Variants in ELAC1 observed in about 807,000 individuals in gnomAD.
The protein encoded by ELAC1 is zinc phosphodiesterase ELAC protein 1.
Under a neutral mutation model 25.8 loss-of-function variants are expected in ELAC1, and 19 were observed. The ratio of observed to expected loss-of-function variants is 0.74; its 90% confidence interval spans 0.51 to 1.08. The LOEUF (loss-of-function observed/expected upper bound fraction) is 1.08. ELAC1 is among the 50% of genes least tolerant of loss of function. The probability of loss-of-function intolerance (pLI) is 0.00; values close to 1 mark genes in which losing one functional copy is unlikely to be tolerated. For missense variants in ELAC1, 403 were observed against 434.6 expected (o/e 0.93, Z 0.65); for synonymous variants, 148 against 160.9 (o/e 0.92, Z 0.61).
At chr18:50,981,231 G>A (rs1411621386) in intron 2 of ELAC1, among the ~76,000 whole-genome samples, 2 of 151,996 alleles carry the variant, frequency 1.3e-5, no homozygotes, top group Non-Finnish European at 2.9e-5. Flanking sequence ...AATGCTTATT[G>A]TAAAAATTCA....
At chr18:50,986,435 T>C (rs1340087558) in intron 3 of ELAC1, among the ~76,000 whole-genome samples, 184 bp from the exon 4 acceptor site, 1 of 152,222 alleles carries the variant, frequency 6.6e-6, no homozygotes, top group Non-Finnish European at 1.5e-5. Flanking sequence ...TACTAAGGCA[T>C]TGCTAATATC....
intron 1 of ELAC1, among the ~76,000 whole-genome samples, chr18:50,971,914 A>G (rs34836479): frequency 0.018 from 976 of 54,878 alleles, 3 homozygotes; most frequent in Non-Finnish European, 0.034. Flanking sequence ...GTGTGTGTGT[A>G]TATATATATA....
intron 1 of ELAC1, among the ~76,000 whole-genome samples, chr18:50,972,938 C>T (rs909994230): frequency 2.6e-5 from 4 of 152,130 alleles, no homozygotes. Flanking sequence ...AAAATAAATC[C>T]CACTGGAAGT....
At chr18:50,969,312 A>G (rs1406312888) in intron 1 of ELAC1, 4 of 152,224 alleles carry the variant, frequency 2.6e-5, no homozygotes, top group African/African-American at 9.6e-5. Flanking sequence ...TTCTACAACC[A>G]GGATTTTGCT....
chr18:50,984,304 A>G lies in ELAC1; in HGVS notation c.366A>G (p.Glu122=). The G allele has an allele frequency of 6.2e-7, 1 of 1,614,194 alleles. No individual in the cohort carries two copies. Among genetic ancestry groups the G allele is most frequent in the Non-Finnish European group, 8.5e-7 (1 of 1,180,024 alleles). ...TGGTCTTCCATTATGTGGTTCATGA[A>G]CTGGTTCCTACAGCAGATCAATGTC... The part of the protein sequence containing the change: ...TELVFHYVVH[E]LVPTADQCPA... The change falls in exon 3 of 4, where the codon GAA becomes GAG. Residue 122 remains glutamate, a synonymous_variant. Coordinates refer to ENST00000269466, the MANE Select transcript of ELAC1 (RefSeq NM_018696.3).
intron 2 of ELAC1, among the ~76,000 whole-genome samples, chr18:50,982,247 A>T (rs1223948481): frequency 6.6e-6 from 1 of 152,116 alleles, no homozygotes; most frequent in African/African-American, 2.4e-5. Context: ...TTCAGGCAGT[A>T]AAAAAACAGC....
chr18:50,980,285 GGT>G (rs1907909954), intron 2 of ELAC1, among the ~76,000 whole-genome samples: 1 of 151,934 alleles, frequency 6.6e-6, no homozygotes, highest in South Asian at 2.1e-4. Context: ...ACTCCAGCCT[GGT>G]GACAGAGCAA....
intron 2 of ELAC1, among the ~76,000 whole-genome samples, chr18:50,983,321 C>A (rs1235704842): frequency 1.3e-5 from 2 of 151,744 alleles, no homozygotes; most frequent in Non-Finnish European, 2.9e-5. Context: ...GCCACCACGA[C>A]CAGCTAATTT....
chr18:50,986,760 G>A lies in ELAC1; in HGVS notation c.767G>A (p.Gly256Glu). The A allele has an allele frequency of 2.5e-6, 4 of 1,614,178 alleles. No homozygotes were observed. The highest frequency in any genetic ancestry group is 3.4e-6 in the Non-Finnish European group (4 of 1,180,024). Residue 256 changes from glycine to glutamate, a missense_variant, in exon 4 of 4, where the codon GGG becomes GAG. Physicochemically the swap from Gly to Glu is moderately conservative, Grantham distance 98 (BLOSUM62 -2). Transcript: ENST00000269466. ...ATCTGCATATTGGGTGACTGCTCTGGGGTTGTGGGTGATGGAGGAGTAAAA... is the reference window on the plus strand; with the variant it reads ...ATCTGCATATTGGGTGACTGCTCTGAGGTTGTGGGTGATGGAGGAGTAAAA... ...RKICILGDCS[G>E]VVGDGGVKLC... is the part of the protein sequence containing the mutation.
intron 1 of ELAC1, among the ~76,000 whole-genome samples, chr18:50,972,059 TC>T (rs1473330017): frequency 8.0e-6 from 1 of 125,724 alleles, no homozygotes; most frequent in Non-Finnish European, 1.7e-5. Flanking sequence ...CTTTTTTTTT[TC>T]AGGTTTTTTT....
intron 1 of ELAC1, among the ~76,000 whole-genome samples, chr18:50,972,264 G>A (rs148855327): frequency 6.6e-6 from 1 of 151,998 alleles, no homozygotes. Context: ...TTAACTACGT[G>A]AAGTGTATTT....
intron 1 of ELAC1, among the ~76,000 whole-genome samples, chr18:50,972,385 T>C (rs1313702888): frequency 6.6e-6 from 1 of 152,218 alleles, no homozygotes; most frequent in Non-Finnish European, 1.5e-5. Context: ...CTTTGTTATA[T>C]ACTGTATTGA....
At chr18:50,983,952 T>C (rs534291761) in intron 2 of ELAC1, 144 bp from the exon 3 acceptor site, 86 of 507,320 alleles carry the variant, frequency 1.7e-4, no homozygotes, top group Non-Finnish European at 2.7e-4. Flanking sequence ...AAAATGTAAA[T>C]GAATAAGTTT....
chr18:50,979,350 C>T (rs1180492352), intron 2 of ELAC1, among the ~76,000 whole-genome samples: 2 of 152,146 alleles, frequency 1.3e-5, no homozygotes, highest in East Asian at 3.9e-4. Context: ...TCATCAGAGG[C>T]CCAACTGGGG....
chr18:50,971,267 C>T (rs1019592177), intron 1 of ELAC1, among the ~76,000 whole-genome samples: 7 of 152,162 alleles, frequency 4.6e-5, no homozygotes, highest in African/African-American at 9.7e-5. Flanking sequence ...AAAGCCTAAT[C>T]GCAATTCATA....
At chr18:50,981,843 C>CT (rs750956755) in intron 2 of ELAC1, among the ~76,000 whole-genome samples, 3,737 of 117,850 alleles carry the variant, frequency 0.032, 182 homozygotes, top group African/African-American at 0.081. Flanking sequence ...TGCTATAGTT[C>CT]TTTTTTTTTT....
intron 3 of ELAC1, among the ~76,000 whole-genome samples, chr18:50,986,189 C>T (rs1018749434): frequency 1.3e-5 from 2 of 151,722 alleles, no homozygotes; most frequent in Admixed American, 6.6e-5. Flanking sequence ...CTGCCTCGGC[C>T]TCGCACAATG....
chr18:50,974,627 C>G lies in ELAC1; in HGVS notation c.157+66C>G, dbSNP rs142043022. ...GTTCTGCTTCATTTTCTTGGCTCTCCTTGGACATTTTGTTTAGAAACAGCC... is the reference window on the plus strand; with the variant it reads ...GTTCTGCTTCATTTTCTTGGCTCTCGTTGGACATTTTGTTTAGAAACAGCC... On this transcript the variant is annotated intron_variant, in intron 2 of 3. Coordinates refer to ENST00000269466, the MANE Select transcript of ELAC1 (RefSeq NM_018696.3). The G allele has an allele frequency of 1.7e-4, 252 of 1,504,428 alleles. 1 individual carries two copies. The African/African-American group carries it at 3.1e-3, about 19-fold the overall frequency. 93.2% of individuals were successfully genotyped at this position (1,504,428 alleles called of 1,614,324 possible).
In ELAC1 at chr18:50,976,302, T is replaced by C. The variant is rs182885268; in HGVS notation, c.157+1741T>C. 5.9e-5 allele frequency among the ~76,000 whole-genome samples: 9 copies of C among 152,256 alleles called. No individual in the cohort carries two copies. The East Asian group carries it at 9.7e-4, about 16-fold the overall frequency. ...CACTTGTATCAGTTCATTTTCATAC[T>C]GCTATGAAGAAATACCCAAGACTGG... On this transcript the variant is annotated intron_variant, in intron 2 of 3. Coordinates refer to ENST00000269466, the MANE Select transcript of ELAC1 (RefSeq NM_018696.3).
Sources: allele counts gnomAD v4.1 joint callset (sites outside exome capture counted in the v4.1 genomes callset), GRCh38; gene constraint gnomAD v4.1.1; transcripts MANE v1.5; gene names NCBI Gene and HGNC (gene_info 2026-07-23, HGNC 2026-07-21).